The following DLGAP1 variants were observed in gnomAD, a reference collection of about 807,000 sequenced individuals.
DLGAP1 encodes DLG associated protein 1.
Under a neutral mutation model 90.8 loss-of-function variants are expected in DLGAP1, and 11 were observed. The observed-to-expected ratio is 0.12, with a 90% CI of 0.08 to 0.20. The LOEUF (loss-of-function observed/expected upper bound fraction) is 0.20, where lower values mean the gene tolerates loss of function less well. Among genes scored for constraint, DLGAP1 ranks in the 10% least tolerant of loss-of-function variants. The pLI, the probability that DLGAP1 is intolerant of heterozygous loss-of-function variation, is 1.00. For missense variants in DLGAP1, 1,050 were observed against 1,333.8 expected (o/e 0.79, Z 3.31); for synonymous variants, 558 against 540.7 (o/e 1.03, Z -0.44).
intron 7 of DLGAP1, among the ~76,000 whole-genome samples, chr18:3,642,633 GATA>G (rs1470866240): frequency 6.6e-6 from 1 of 152,150 alleles, no homozygotes; most frequent in African/African-American, 2.4e-5. Flanking sequence ...CAAATCAAGG[GATA>G]ATAAGAGTGG....
chr18:3,565,665 T>G lies in DLGAP1; in HGVS notation c.2057+1825A>C, dbSNP rs1362231345. On this transcript the variant is annotated intron_variant, in intron 9 of 12. Transcript: ENST00000315677. The surrounding 1 kb of genome is among the most constrained non-coding windows in gnomAD (Gnocchi z 4.0). ...TCCTGGCCAACATGGTGAAACCCCGTCTCTCTTAAAAATACAAAAATTAGC... is the reference window on the plus strand; with the variant it reads ...TCCTGGCCAACATGGTGAAACCCCGGCTCTCTTAAAAATACAAAAATTAGC... Among the ~76,000 whole-genome samples, 4 of 151,744 alleles carry G rather than the reference T, an allele frequency of 2.6e-5. No homozygotes were observed. The highest frequency in any genetic ancestry group is 2.9e-5 in the Non-Finnish European group (2 of 67,906).
chr18:3,509,514 A>C (rs2050422062), intron 10 of DLGAP1, among the ~76,000 whole-genome samples: 1 of 152,106 alleles, frequency 6.6e-6, no homozygotes, highest in South Asian at 2.1e-4. Flanking sequence ...ACCCTTTGGG[A>C]CTGGGTGCAG....
intron 6 of DLGAP1, among the ~76,000 whole-genome samples, chr18:3,736,356 A>T (rs1038778387): frequency 1.3e-5 from 2 of 152,048 alleles, no homozygotes; most frequent in African/African-American, 2.4e-5. Context: ...AACATACTTA[A>T]TTTTTTTCCT....
chr18:3,697,869 T>A (rs1692393475), intron 7 of DLGAP1, among the ~76,000 whole-genome samples: 1 of 152,218 alleles, frequency 6.6e-6, no homozygotes, highest in South Asian at 2.1e-4. Context: ...TGGGTGCTCC[T>A]ATATTAGATG....
intron 1 of DLGAP1, among the ~76,000 whole-genome samples, chr18:4,283,098 C>T (rs2079593612): frequency 6.6e-6 from 1 of 152,142 alleles, no homozygotes; most frequent in African/African-American, 2.4e-5. Flanking sequence ...GTGTGCATGT[C>T]TGTCAAAAGA....
chr18:4,377,894 T>C (rs1012742299), intron 1 of DLGAP1, among the ~76,000 whole-genome samples: 1 of 151,898 alleles, frequency 6.6e-6, no homozygotes, highest in African/African-American at 2.4e-5. Context: ...ATAAGTATAA[T>C]CATATATGCA....
intron 7 of DLGAP1, among the ~76,000 whole-genome samples, chr18:3,680,975 C>T (rs998625286): frequency 6.6e-5 from 10 of 152,126 alleles, no homozygotes; most frequent in African/African-American, 2.4e-4. Flanking sequence ...AGAAGGCTTC[C>T]TCCCAATGGG....
intron 9 of DLGAP1, among the ~76,000 whole-genome samples, chr18:3,545,206 G>A (rs2052942999): frequency 6.6e-6 from 1 of 151,948 alleles, no homozygotes; most frequent in South Asian, 2.1e-4. Flanking sequence ...CCCAGGAGGT[G>A]GAGGCTGCAG....
chr18:4,086,003 C>G (rs1392640020), intron 2 of DLGAP1, among the ~76,000 whole-genome samples: 1 of 152,122 alleles, frequency 6.6e-6, no homozygotes, highest in African/African-American at 2.4e-5. Context: ...CTAAACTGGG[C>G]AGAAACAGAA....
intron 5 of DLGAP1, among the ~76,000 whole-genome samples, chr18:3,789,415 C>A (rs571065960): frequency 5.9e-5 from 9 of 152,142 alleles, no homozygotes; most frequent in South Asian, 4.2e-4. Flanking sequence ...GGAGCTCAGA[C>A]GGAAGGCCGG....
intron 2 of DLGAP1, among the ~76,000 whole-genome samples, chr18:4,145,698 T>C (rs947901672): frequency 2.6e-5 from 4 of 152,218 alleles, no homozygotes; most frequent in Non-Finnish European, 4.4e-5. Context: ...AAATTGGCTA[T>C]GAAAATAATT....
rs550856407 is a variant in DLGAP1 at position 3,971,279 on chromosome 18, T to C, written c.-73+33837A>G. 2.0e-4 allele frequency among the ~76,000 whole-genome samples: 31 copies of C among 152,282 alleles called. 1 individual carries two copies. The South Asian group carries it at 4.6e-3, about 22-fold the overall frequency. Reference sequence around the variant, plus strand: ...TATTATTTCTTTTCAGAGGTAGGAGTTCTTTTCATGCTAACTGCTTTCCAT... The same window carrying C: ...TATTATTTCTTTTCAGAGGTAGGAGCTCTTTTCATGCTAACTGCTTTCCAT... On this transcript the variant is annotated intron_variant, in intron 3 of 12. Transcript: ENST00000315677.
intron 1 of DLGAP1, among the ~76,000 whole-genome samples, chr18:4,249,380 C>T (rs1002133915): frequency 3.4e-5 from 5 of 148,834 alleles, no homozygotes; most frequent in African/African-American, 1.0e-4. Flanking sequence ...AGCAAGAGTG[C>T]ACCTGGCTAC....
chr18:4,428,129 C>A (rs1278177112), intron 1 of DLGAP1, among the ~76,000 whole-genome samples: 1 of 152,186 alleles, frequency 6.6e-6, no homozygotes, highest in East Asian at 1.9e-4. Context: ...CTGGGTCCCC[C>A]CCTCAAATCT....
intron 1 of DLGAP1, among the ~76,000 whole-genome samples, chr18:4,341,029 T>C (rs543728788): frequency 6.6e-6 from 1 of 151,954 alleles, no homozygotes; most frequent in South Asian, 2.1e-4. Context: ...AATGCTAGTT[T>C]TGATATTATT....
chr18:4,307,163 G>C (rs1206932217), intron 1 of DLGAP1, among the ~76,000 whole-genome samples: 1 of 152,178 alleles, frequency 6.6e-6, no homozygotes, highest in Non-Finnish European at 1.5e-5. Context: ...AGAGGGCACT[G>C]TGTGTATCCA....
At chr18:4,326,115 C>T (rs1247012168) in intron 1 of DLGAP1, among the ~76,000 whole-genome samples, 1 of 151,916 alleles carries the variant, frequency 6.6e-6, no homozygotes, top group Non-Finnish European at 1.5e-5. Context: ...CTATGGATCC[C>T]ACGAAGATCT....
intron 1 of DLGAP1, among the ~76,000 whole-genome samples, chr18:4,247,069 T>C (rs2078667185): frequency 6.6e-6 from 1 of 151,892 alleles, no homozygotes; most frequent in African/African-American, 2.4e-5. Context: ...GTAGTAGTTG[T>C]AATAGGACAA....
Position 3,700,265 on chromosome 18 carries a change from G to A in DLGAP1, c.1591+28870C>T, listed in dbSNP as rs567825653. On this transcript the variant is annotated intron_variant, in intron 7 of 12. Transcript: ENST00000315677. ...GGCCCTGGTGGTGTAGGCACCCAAGGGAATCTCCTGGTTTGCGGGCTGTGA... is the reference window on the plus strand; with the variant it reads ...GGCCCTGGTGGTGTAGGCACCCAAGAGAATCTCCTGGTTTGCGGGCTGTGA... Among the ~76,000 whole-genome samples, 10 of 152,246 alleles carry A rather than the reference G, an allele frequency of 6.6e-5. No individual in the cohort carries two copies. In the South Asian group the frequency reaches 1.9e-3, roughly 28 times the overall value.
Sources: allele counts gnomAD v4.1 joint callset (sites outside exome capture counted in the v4.1 genomes callset), GRCh38; gene constraint gnomAD v4.1.1; non-coding constraint Gnocchi (gnomAD v3.1); transcripts MANE v1.5; gene names NCBI Gene and HGNC (gene_info 2026-07-23, HGNC 2026-07-21).